The following RPS29 variants were observed in gnomAD, a reference collection of about 807,000 sequenced individuals.
RPS29 encodes the protein small ribosomal subunit protein uS14.
For missense variants in RPS29, 60 were observed against 75.7 expected, an observed-to-expected ratio of 0.79 and a Z score of 0.77; for synonymous variants, 37 against 26.9, an observed-to-expected ratio of 1.37 and a Z score of -1.16.
intron 1 of RPS29, chr14:49,598,209 A>G (rs1881879712): frequency 3.6e-6 from 2 of 559,024 alleles, no homozygotes; most frequent in Admixed American, 3.5e-5. Flanking sequence ...ACAAATTTTA[A>G]GGAGGCAAGA....
upstream of RPS29, among the ~76,000 whole-genome samples, chr14:49,588,282 C>A (rs946530530): frequency 1.3e-5 from 2 of 152,196 alleles, no homozygotes; most frequent in African/African-American, 4.8e-5. Flanking sequence ...AGTTGCACTT[C>A]AACAATCTTA....
chr14:49,585,033 C>T (rs10150823), intron 2 of RPS29, among the ~76,000 whole-genome samples: 104,286 of 151,936 alleles, frequency 0.69, 36,913 homozygotes, highest in Non-Finnish European at 0.74. Context: ...AATGTCTTTC[C>T]GGCCCCAAAC....
rs530282340 is a variant in RPS29, at chr14:49,586,315, G to T, written c.32C>A (p.Pro11Gln). 1.2e-6 allele frequency: 2 copies of T among 1,613,962 alleles called. No individual in the cohort carries two copies. Among genetic ancestry groups the T allele is most frequent in the Non-Finnish European group, 1.7e-6 (2 of 1,179,844 alleles). MGHQQLYWSH[P>Q]RKFGQGSRSC... Reference sequence around the variant, plus strand: ...GCGAGAACCCTGGCCGAATTTTCGCGGGTGGCTCCAGTACAGCTGCTGGTG... The same window carrying T: ...GCGAGAACCCTGGCCGAATTTTCGCTGGTGGCTCCAGTACAGCTGCTGGTG... The change falls in exon 1 of 3, where the codon CCG becomes CAG. Residue 11 changes from proline to glutamine, a missense_variant. Coordinates refer to ENST00000245458, the MANE Select transcript of RPS29 (RefSeq NM_001032.5).
chr14:49,595,573 A>G (rs1881803690), intron 1 of RPS29, among the ~76,000 whole-genome samples: 1 of 151,864 alleles, frequency 6.6e-6, no homozygotes, highest in Non-Finnish European at 1.5e-5. Flanking sequence ...TTGCCACTGC[A>G]CTCCAGCCTG....
upstream of RPS29, chr14:49,586,835 G>C (rs560639358): frequency 5.8e-6 from 1 of 172,062 alleles, no homozygotes; most frequent in Non-Finnish European, 1.3e-5. Context: ...CCTGTGAATA[G>C]CCACTGCACT....
At chr14:49,584,461 T>G (rs1047115433) in intron 2 of RPS29, among the ~76,000 whole-genome samples, 53 of 152,180 alleles carry the variant, frequency 3.5e-4, no homozygotes, top group African/African-American at 1.2e-3. Context: ...CACTGCAGTA[T>G]TCATATTAAC....
chr14:49,594,652 G>C (rs774912606), intron 1 of RPS29, among the ~76,000 whole-genome samples: 2 of 152,226 alleles, frequency 1.3e-5, no homozygotes, highest in Non-Finnish European at 2.9e-5. Context: ...GCTCATGTTT[G>C]TATGTCTGAG....
chr14:49,591,557 C>G (rs1258983684), intron 1 of RPS29, among the ~76,000 whole-genome samples: 1 of 152,066 alleles, frequency 6.6e-6, no homozygotes, highest in East Asian at 1.9e-4. Context: ...GGTAATCCAC[C>G]CGCCTCAGCC....
intron 1 of RPS29, among the ~76,000 whole-genome samples, chr14:49,593,770 G>A (rs1881765612): frequency 6.6e-6 from 1 of 151,602 alleles, no homozygotes; most frequent in African/African-American, 2.4e-5. Flanking sequence ...CTGGGGGCAG[G>A]TGCTAAGTGG....
intron 1 of RPS29, among the ~76,000 whole-genome samples, chr14:49,593,692 CAA>C (rs10647593): frequency 8.0e-4 from 45 of 56,300 alleles, no homozygotes; most frequent in East Asian, 1.7e-3. Context: ...GACTCTGTCT[CAA>C]AAAAAAAAAA....
chr14:49,583,678 G>GAAA lies in RPS29; in HGVS notation c.163-6_163-4dup, dbSNP rs373877728. ...TGAAGGAAGAGCATTTAGTCCAACT[G>GAAA]AAAAAAAAAAAGCAGATGATTTATT... On this transcript the variant is annotated splice_region_variant and splice_polypyrimidine_tract_variant and intron_variant, in intron 2 of 2. Transcript: ENST00000245458. 1.1e-5 allele frequency: 13 copies of GAAA among 1,158,888 alleles called. No homozygotes were observed. Among genetic ancestry groups the GAAA allele is most frequent in the South Asian group, 1.6e-5 (1 of 64,098 alleles). The allele number at this position is 1,158,888 out of a possible 1,614,324, so 71.8% of individuals were successfully genotyped here.
upstream of RPS29, chr14:49,586,762 AACC>A (rs1881585654): frequency 4.3e-6 from 1 of 233,958 alleles, no homozygotes; most frequent in Admixed American, 4.8e-5. Flanking sequence ...AGGAGGGGTG[AACC>A]GGCCCAGGTC....
upstream of RPS29, chr14:49,586,402 C>A: frequency 2.7e-6 from 4 of 1,505,754 alleles, no homozygotes; most frequent in Non-Finnish European, 3.7e-6. Context: ...CGCATGCGCT[C>A]TTCAAATTTT....
downstream of RPS29, among the ~76,000 whole-genome samples, chr14:49,582,456 T>C (rs1160059981): frequency 6.6e-6 from 1 of 152,232 alleles, no homozygotes; most frequent in Non-Finnish European, 1.5e-5. Flanking sequence ...AATTTAAGTA[T>C]GGCTTTCTTC....
intron 1 of RPS29, among the ~76,000 whole-genome samples, chr14:49,596,449 A>G (rs1374004840): frequency 6.6e-6 from 1 of 152,166 alleles, no homozygotes; most frequent in East Asian, 1.9e-4. Flanking sequence ...TTGCTCCACA[A>G]TCGATCCACT....
intron 1 of RPS29, among the ~76,000 whole-genome samples, chr14:49,595,680 G>C (rs189027740): frequency 7.8e-4 from 118 of 152,160 alleles, no homozygotes; most frequent in Non-Finnish European, 1.3e-3. Flanking sequence ...GCTACAAAGT[G>C]AGCAAAGTTC....
At chr14:49,584,590 T>C (rs967442025) in intron 2 of RPS29, among the ~76,000 whole-genome samples, 8 of 151,730 alleles carry the variant, frequency 5.3e-5, no homozygotes, top group African/African-American at 1.5e-4. Context: ...CATGGTGAAA[T>C]CCCATCTCCA....
upstream of RPS29, chr14:49,598,685 C>A (rs759329796): frequency 1.4e-6 from 1 of 700,258 alleles, no homozygotes; most frequent in South Asian, 1.5e-5. Context: ...GGAATCCTCC[C>A]CGAACAGAAA....
At chr14:49,590,960 G>C (rs1174140835), upstream of RPS29, among the ~76,000 whole-genome samples, 1 of 152,112 alleles carries the variant, frequency 6.6e-6, no homozygotes, top group Non-Finnish European at 1.5e-5. Flanking sequence ...AAAGTGCTGG[G>C]ATTACAGGCA....
Sources: gnomAD v4.1 joint callset for allele counts (sites outside exome capture counted in the v4.1 genomes callset) on GRCh38, gnomAD v4.1.1 for gene constraint, MANE v1.5 for transcripts, NCBI Gene and HGNC (gene_info 2026-07-23, HGNC 2026-07-21) for gene names.